PAPLN: variants seen among roughly 807,000 people sequenced by gnomAD.
PAPLN encodes papilin, proteoglycan like sulfated glycoprotein.
A neutral mutation model predicts 159.0 loss-of-function variants in PAPLN; 146 were observed. The ratio of observed to expected loss-of-function variants is 0.92; its 90% CI spans 0.80 to 1.05. The LOEUF (loss-of-function observed/expected upper bound fraction) is 1.05. PAPLN is among the 50% of genes least tolerant of loss of function. The pLI is 0.00. For synonymous variants in PAPLN, 734 were observed against 702.9 expected, an observed-to-expected ratio of 1.04 and a Z score of -0.70; for missense variants, 1,720 against 1,743.9, an observed-to-expected ratio of 0.99 and a Z score of 0.24.
chr14:73,272,950 A>G lies in PAPLN; in HGVS notation c.*286A>G. On this transcript the variant is annotated 3_prime_UTR_variant, in exon 27 of 27. Transcript: ENST00000644200. Reference sequence around the variant, plus strand: ...AACCTTTACTTTACAGCTTCCCTTTATAATTTGTTACACAGGAATAGTTAA... The same window carrying G: ...AACCTTTACTTTACAGCTTCCCTTTGTAATTTGTTACACAGGAATAGTTAA... The G allele has an allele frequency of 3.6e-6, 1 of 280,378 alleles. No homozygotes were observed. Among genetic ancestry groups the G allele is most frequent in the East Asian group, 6.3e-5 (1 of 15,952 alleles). The allele number at this position is 280,378 out of a possible 1,614,324, so 17.4% of individuals were successfully genotyped here.
chr14:73,263,568 C>A (rs1358040066), intron 19 of PAPLN, 77 bp from the exon 20 acceptor site: 1 of 1,588,578 alleles, frequency 6.3e-7, no homozygotes, highest in South Asian at 1.1e-5. Context: ...AGCTGTCTGT[C>A]ATGGAACACA....
chr14:73,254,837 C>G, intron 13 of PAPLN, 40 bp from the exon 14 acceptor site: 1 of 1,605,844 alleles, frequency 6.2e-7, no homozygotes, highest in South Asian at 1.1e-5. Context: ...CCCCCAGCCT[C>G]GCCCTCAGCA....
intron 2 of PAPLN, among the ~76,000 whole-genome samples, chr14:73,242,046 T>C (rs177407): frequency 0.67 from 101,847 of 152,242 alleles, 34,669 homozygotes; most frequent in East Asian, 0.86. Context: ...CTTCACGCCA[T>C]GTCGGGCAGT....
At position 73,252,094 on chromosome 14, in the gene PAPLN, G is replaced by C. The variant is rs1479196679; in HGVS notation, c.920G>C (p.Ser307Thr). ...CTGCGCCGCCCCAGCCCCGGCTTCA[G>C]CTGGAGCCACGGCTCATGGAGTGAC... ...LPLRRPSPGF[S>T]WSHGSWSDCS... The change falls in exon 10 of 27, where the codon AGC (serine) becomes ACC (threonine). Residue 307 changes from serine to threonine, a missense_variant. Coordinates refer to ENST00000644200, the MANE Select transcript of PAPLN (RefSeq NM_001365906.3). The C allele has an allele frequency of 6.2e-7, 1 of 1,610,884 alleles. No individual in the cohort carries two copies. Among genetic ancestry groups the C allele is most frequent in the East Asian group, 2.2e-5 (1 of 44,820 alleles).
intron 6 of PAPLN, among the ~76,000 whole-genome samples, chr14:73,250,407 G>C (rs766770058): frequency 6.6e-6 from 1 of 152,196 alleles, no homozygotes; most frequent in Non-Finnish European, 1.5e-5. Context: ...AGCCGCAGGC[G>C]CATGAATGAG....
Position 73,265,364 on chromosome 14 carries a change from T to G in PAPLN, c.3126-6T>G. The G allele has an allele frequency of 6.2e-7, 1 of 1,607,988 alleles. No homozygotes were observed. The highest frequency in any genetic ancestry group is 2.2e-5 in the East Asian group (1 of 44,878). On this transcript the variant is annotated splice_polypyrimidine_tract_variant and splice_region_variant and intron_variant, in intron 22 of 26. Coordinates refer to ENST00000644200, the MANE Select transcript of PAPLN (RefSeq NM_001365906.3). The surrounding 1 kb of genome is among the most constrained non-coding windows in gnomAD (Gnocchi z 4.1). ...CCCCTCATGCTGTGGGCTGCTTGTT[T>G]GGCAGGCTGCGTTTGGACCAGAACC...
chr14:73,268,494 TC>T, intron 25 of PAPLN, 62 bp from the exon 26 acceptor site: 1 of 1,522,992 alleles, frequency 6.6e-7, no homozygotes, highest in Middle Eastern at 1.8e-4. Context: ...GATTACCTCT[TC>T]CCTCTGTCTC....
chr14:73,243,381 A>G (rs1435629339), intron 2 of PAPLN: 1 of 152,206 alleles, frequency 6.6e-6, no homozygotes, highest in Non-Finnish European at 1.5e-5. Context: ...CCTAAAAGAA[A>G]GTCCCCTTCC....
chr14:73,267,178 A>T (rs990968738), intron 25 of PAPLN, among the ~76,000 whole-genome samples: 1 of 152,214 alleles, frequency 6.6e-6, no homozygotes, highest in African/African-American at 2.4e-5. Context: ...CCCCAAAGTC[A>T]TGACAATAAA....
In PAPLN at chr14:73,245,932, C is replaced by A; in HGVS notation, c.232-141C>A. Reference sequence around the variant, plus strand: ...GGGGCACGCACAGGAGTTCGGGGGTCCGGGGGGCGGACTCCACCTCCGGCG... The same window carrying A: ...GGGGCACGCACAGGAGTTCGGGGGTACGGGGGGCGGACTCCACCTCCGGCG... On this transcript the variant is annotated intron_variant, in intron 4 of 26. Coordinates refer to ENST00000644200, the MANE Select transcript of PAPLN (RefSeq NM_001365906.3). The surrounding 1 kb of genome is among the most constrained non-coding windows in gnomAD (Gnocchi z 4.2). 1.0e-6 allele frequency: 1 copy of A among 954,422 alleles called. No individual in the cohort carries two copies. The highest frequency in any genetic ancestry group is 1.5e-6 in the Non-Finnish European group (1 of 664,444). 59.1% of individuals were successfully genotyped at this position (954,422 alleles called of 1,614,324 possible).
At chr14:73,260,857 C>A in intron 17 of PAPLN, 28 bp downstream of exon 17, 1 of 1,494,416 alleles carries the variant, frequency 6.7e-7, no homozygotes, top group Non-Finnish European at 8.9e-7. Context: ...GGGAGGGGAG[C>A]AGGGGGCCAG....
chr14:73,252,803 T>A (rs757354926), intron 11 of PAPLN, 28 bp downstream of exon 11: 1 of 1,611,640 alleles, frequency 6.2e-7, no homozygotes, highest in South Asian at 1.1e-5. Context: ...CCTCTACCCA[T>A]GATGAGGCCC....
At position 73,257,753 on chromosome 14, in the gene PAPLN, C is replaced by CTTTTTTTTTTTTTTTTTT. The variant is rs562890068; in HGVS notation, c.1628-1215_1628-1198dup. On this transcript the variant is annotated intron_variant, in intron 14 of 26. Transcript: ENST00000644200. ...GTTTTCATTATCTAGTCTCTTTCTT[C>CTTTTTTTTTTTTTTTTTT]TTTTTTTTTTTTTTTTTTTTTTTTT... Among the ~76,000 whole-genome samples, 61 of 91,256 alleles carry CTTTTTTTTTTTTTTTTTT rather than the reference C, an allele frequency of 6.7e-4. 8 individuals are homozygous for CTTTTTTTTTTTTTTTTTT. In the East Asian group the frequency reaches 0.01, roughly 15 times the overall value. 59.9% of individuals were successfully genotyped at this position (91,256 alleles called of 152,430 possible).
intron 12 of PAPLN, 74 bp downstream of exon 12, chr14:73,254,035 T>C: frequency 6.7e-7 from 1 of 1,483,204 alleles, no homozygotes; most frequent in Non-Finnish European, 9.0e-7. Flanking sequence ...TCTTGTTCTC[T>C]GCTGTGGAAA....
chr14:73,246,397 ATTTTT>A (rs531973214), intron 5 of PAPLN, among the ~76,000 whole-genome samples: 1,088 of 84,646 alleles, frequency 0.013, 21 homozygotes, highest in Non-Finnish European at 0.02. Context: ...TACCCGACCA[ATTTTT>A]TTTTTTTTTT....
intron 14 of PAPLN, among the ~76,000 whole-genome samples, chr14:73,256,264 T>A (rs1399205875): frequency 6.6e-6 from 1 of 152,058 alleles, no homozygotes; most frequent in Non-Finnish European, 1.5e-5. Flanking sequence ...TGAGGATTAA[T>A]CCCAGTCTGT....
At chr14:73,249,887 C>T in intron 5 of PAPLN, 97 bp from the exon 6 acceptor site, 1 of 1,390,228 alleles carries the variant, frequency 7.2e-7, no homozygotes, top group Non-Finnish European at 9.5e-7. Context: ...GCAGGGCTTT[C>T]TGACCCATGC....
At chr14:73,251,417 G>A (rs1885237397) in intron 7 of PAPLN, 69 bp from the exon 8 acceptor site, 8 of 1,470,234 alleles carry the variant, frequency 5.4e-6, no homozygotes, top group Non-Finnish European at 7.4e-6. Flanking sequence ...GTGGCACTTG[G>A]AGTCCTGTTT....
intron 18 of PAPLN, among the ~76,000 whole-genome samples, chr14:73,261,592 A>G (rs1161923518): frequency 6.6e-6 from 1 of 152,198 alleles, no homozygotes; most frequent in African/African-American, 2.4e-5. Context: ...TCTGAGGCAG[A>G]GCCAGTGCAG....
Sources: gnomAD v4.1 joint callset for allele counts (sites outside exome capture counted in the v4.1 genomes callset) on GRCh38, gnomAD v4.1.1 for gene constraint, Gnocchi (gnomAD v3.1) non-coding constraint, MANE v1.5 for transcripts, NCBI Gene and HGNC (gene_info 2026-07-23, HGNC 2026-07-21) for gene names.